Variants in TLCD3B observed in about 807,000 individuals in gnomAD.
TLCD3B encodes the protein TLC domain containing 3B.
Under a neutral mutation model 23.0 loss-of-function variants are expected in TLCD3B, and 9 were observed. The observed-to-expected ratio is 0.39, with a 90% confidence interval of 0.24 to 0.68. The LOEUF is 0.68. Among genes scored for constraint, TLCD3B ranks in the 30% least tolerant of loss-of-function variants. TLCD3B has a pLI of 0.44. For missense variants in TLCD3B, 307 were observed against 371.8 expected (o/e 0.83, Z 1.43); for synonymous variants, 161 against 161.0 (o/e 1.00, Z 0.00).
intron 3 of TLCD3B, among the ~76,000 whole-genome samples, chr16:30,038,871 GT>G (rs1179503671): frequency 2.0e-5 from 3 of 152,128 alleles, no homozygotes; most frequent in Non-Finnish European, 4.4e-5. Context: ...GCACAGAGAG[GT>G]TTGGTAACTT....
intron 2 of TLCD3B, 59 bp from the exon 3 acceptor site, chr16:30,026,902 G>A: frequency 6.9e-7 from 1 of 1,452,970 alleles, no homozygotes; most frequent in East Asian, 2.3e-5. Flanking sequence ...CAGTGATTGG[G>A]GTCAGATCTC....
At chr16:30,037,678 A>G (rs1417446583) in intron 3 of TLCD3B, among the ~76,000 whole-genome samples, 1 of 152,160 alleles carries the variant, frequency 6.6e-6, no homozygotes, top group East Asian at 1.9e-4. Flanking sequence ...TCAAGGCTGT[A>G]GTGAGCTATG....
intron 2 of TLCD3B, chr16:30,027,812 C>T (rs2071213789): frequency 2.7e-6 from 1 of 374,804 alleles, no homozygotes; most frequent in Non-Finnish European, 5.4e-6. Context: ...GAGGCAGGAC[C>T]TGGGGTGCTC....
chr16:30,036,468 C>T, intron 3 of TLCD3B: 1 of 1,204,928 alleles, frequency 8.3e-7, no homozygotes, highest in Non-Finnish European at 1.1e-6. Flanking sequence ...CAGGTCCTGC[C>T]ATCCTGCCTT....
intron 1 of TLCD3B, among the ~76,000 whole-genome samples, chr16:30,052,298 A>T (rs2071772805): frequency 6.7e-6 from 1 of 148,436 alleles, no homozygotes; most frequent in Admixed American, 6.7e-5. Flanking sequence ...AACCCAGGAG[A>T]CATAGGTTGT....
chr16:30,038,022 T>C (rs1184071941), intron 3 of TLCD3B, among the ~76,000 whole-genome samples: 3 of 152,194 alleles, frequency 2.0e-5, no homozygotes, highest in African/African-American at 7.2e-5. Context: ...CAGGGAACCT[T>C]CTGAAGTGTT....
In TLCD3B at chr16:30,024,549, C is replaced by A. The variant is rs755843733; in HGVS notation, c.*634G>T. 4.9e-6 allele frequency: 2 copies of A among 411,810 alleles called. No individual in the cohort carries two copies. The highest frequency in any genetic ancestry group is 8.7e-6 in the Non-Finnish European group (2 of 229,244). 25.5% of individuals were successfully genotyped at this position (411,810 alleles called of 1,614,324 possible). On this transcript the variant is annotated 3_prime_UTR_variant, in exon 5 of 5. Transcript: ENST00000380495. ...CCAGGGACATGGCAGGGCCCGAGGG[C>A]GCGATGTGCAGCCGATGGTGAGGGA... is the stretch of plus-strand genomic sequence containing the variant.
At position 30,050,714 on chromosome 16, in the gene TLCD3B, T is replaced by TCCCAC. The variant is rs2071736920; in HGVS notation, c.-294+2059_-294+2060insGTGGG. ...GTGGCTGAGACCACCTCAGTATGGT[T>TCCCAC]GACAGTGGGAGGGAAGATTTGGATC... On this transcript the variant is annotated intron_variant, in intron 1 of 6. Coordinates refer to the TLCD3B transcript ENST00000561666. 2.0e-5 allele frequency among the ~76,000 whole-genome samples: 3 copies of TCCCAC among 152,128 alleles called. No homozygotes were observed. The South Asian group carries it at 6.2e-4, about 31-fold the overall frequency.
Position 30,025,450 on chromosome 16 carries a change from T to G in TLCD3B, c.558A>C (p.Thr186=). The G allele has an allele frequency of 1.2e-6, 2 of 1,612,406 alleles. No individual in the cohort carries two copies. The highest frequency in any genetic ancestry group is 1.7e-6 in the Non-Finnish European group (2 of 1,179,488). The change falls in exon 5 of 5, where the codon ACA becomes ACC. Residue 186 remains threonine (T), a synonymous_variant. Coordinates refer to ENST00000380495, the MANE Select transcript of TLCD3B (RefSeq NM_031478.6). The surrounding 1 kb of genome is among the most constrained non-coding windows in gnomAD (Gnocchi z 4.1). ...GGGCCCCGTTCACCTTGTGCAGCAG[T>G]GTGTGCTGCTGCTTGTACTGAGGAG... The part of the protein sequence containing the change: ...KILIQYKQQH[T]LLHKVNGALM...
In TLCD3B at chr16:30,025,797, AGTCTCCCTTACCCT is replaced by A; in HGVS notation, c.455_468del (p.Gln152LeufsTer141). 1 of 1,614,062 alleles carries A rather than the reference AGTCTCCCTTACCCT, an allele frequency of 6.2e-7. No individual in the cohort carries two copies. The highest frequency in any genetic ancestry group is 8.5e-7 in the Non-Finnish European group (1 of 1,180,018). On this transcript the variant is annotated frameshift_variant, in exon 4 of 5. Transcript: ENST00000380495. LOFTEE classifies it high-confidence loss of function. The surrounding 1 kb of genome is among the most constrained non-coding windows in gnomAD (Gnocchi z 4.1). Reference sequence around the variant, plus strand: ...GCCATCAACATGCAACCCAGAAAGAAGTCTCCCTTACCCTGTCGCCACACCTGGGCACAGAGGCA... The same window carrying A: ...GCCATCAACATGCAACCCAGAAAGAAGTCGCCACACCTGGGCACAGAGGCA...
rs1173158345 is a variant in TLCD3B at position 30,024,860 on chromosome 16, C to T, written c.*323G>A. ...TGGGATGGCCTTGGCAGAGGCGTCT[C>T]CCCACATTCTGACTCCTGGTCCCCT... On this transcript the variant is annotated 3_prime_UTR_variant, in exon 5 of 5. Coordinates refer to ENST00000380495, the MANE Select transcript of TLCD3B (RefSeq NM_031478.6). 1 of 294,596 alleles carries T rather than the reference C, an allele frequency of 3.4e-6. No homozygotes were observed. Among genetic ancestry groups the T allele is most frequent in the African/African-American group, 2.2e-5 (1 of 45,266 alleles). The allele number at this position is 294,596 out of a possible 1,614,324, so 18.2% of individuals were successfully genotyped here. A position where few individuals can be genotyped will look rare whatever the true frequency, so the allele number is the denominator to read the frequency against.
chr16:30,029,363 G>C lies in TLCD3B; in HGVS notation c.209+69C>G. 1 of 1,384,520 alleles carries C rather than the reference G, an allele frequency of 7.2e-7. No individual in the cohort carries two copies. Among genetic ancestry groups the C allele is most frequent in the Admixed American group, 1.8e-5 (1 of 56,366 alleles). 85.8% of individuals were successfully genotyped at this position (1,384,520 alleles called of 1,614,324 possible). On this transcript the variant is annotated intron_variant, in intron 2 of 4. Transcript: ENST00000380495. The surrounding 1 kb of genome is among the most constrained non-coding windows in gnomAD (Gnocchi z 4.6). ...AGACAGAGTTCCCTCCAAGATGTGG[G>C]GTCTTCCGGGATTACCCGTACACGC...
At chr16:30,047,861 C>A (rs2071697306) in intron 1 of TLCD3B, among the ~76,000 whole-genome samples, 2 of 149,354 alleles carry the variant, frequency 1.3e-5, no homozygotes, top group Non-Finnish European at 3.0e-5. Flanking sequence ...CTGGGCTCAG[C>A]CCTGGCGTGG....
rs1312538311 is a variant in TLCD3B, at chr16:30,030,593, A to T, written c.-66T>A. ...AGGGGCAGGGAGGCCGAGTGGAAGG[A>T]GTTAGGGGTGGAGAAGGGACGCCAA... On this transcript the variant is annotated 5_prime_UTR_variant, in exon 1 of 5. Coordinates refer to ENST00000380495, the MANE Select transcript of TLCD3B (RefSeq NM_031478.6). 1 of 1,417,980 alleles carries T rather than the reference A, an allele frequency of 7.1e-7. No individual in the cohort carries two copies. Among genetic ancestry groups the T allele is most frequent in the Non-Finnish European group, 9.3e-7 (1 of 1,080,542 alleles). The allele number at this position is 1,417,980 out of a possible 1,614,324, so 87.8% of individuals were successfully genotyped here.
At position 30,044,855 on chromosome 16, in the gene TLCD3B, C is replaced by CG. The variant is rs1044348085; in HGVS notation, c.-229+1467dup. 1.1e-4 allele frequency among the ~76,000 whole-genome samples: 17 copies of CG among 151,784 alleles called. No homozygotes were observed. In the East Asian group the frequency reaches 1.2e-3, roughly 10 times the overall value. ...CAGCACTTTGGAGGCCGGCGGGCGGCGGGGGGGTGCGGATTAACTAAGGTC... is the reference window on the plus strand; with the variant it reads ...CAGCACTTTGGAGGCCGGCGGGCGGCGGGGGGGGTGCGGATTAACTAAGGTC... On this transcript the variant is annotated intron_variant, in intron 2 of 6. Coordinates refer to the TLCD3B transcript ENST00000561666.
At chr16:30,049,342 C>T (rs1187890179) in intron 1 of TLCD3B, among the ~76,000 whole-genome samples, 1 of 152,140 alleles carries the variant, frequency 6.6e-6, no homozygotes, top group Non-Finnish European at 1.5e-5. Context: ...CCATTGGAGG[C>T]AGCTGAAAGT....
Position 30,025,822 on chromosome 16 carries a change from C to T in TLCD3B, c.445-1G>A. The T allele has an allele frequency of 6.2e-7, 1 of 1,613,184 alleles. No individual in the cohort carries two copies. Among genetic ancestry groups the T allele is most frequent in the Non-Finnish European group, 8.5e-7 (1 of 1,179,408 alleles). On this transcript the variant is annotated splice_acceptor_variant, in intron 3 of 4. Transcript: ENST00000380495. LOFTEE classifies it high-confidence loss of function. This position sits in a 1 kb window ranked among gnomAD's most constrained non-coding sequence, Gnocchi z 4.1. The stretch of plus-strand genomic sequence containing the variant: ...AGTCTCCCTTACCCTGTCGCCACAC[C>T]TGGGCACAGAGGCAGGAAGGTGAGG...
chr16:30,051,299 C>G lies in TLCD3B; in HGVS notation c.-294+1475G>C, dbSNP rs113897028. On this transcript the variant is annotated intron_variant, in intron 1 of 6. Coordinates refer to the TLCD3B transcript ENST00000561666. ...CTGTAATCCCAGCACTTTGGGAGGC[C>G]AAGGCGGGCAGAACACCTAAGGTCG... Among the ~76,000 whole-genome samples, 297 of 151,998 alleles carry G rather than the reference C, an allele frequency of 2.0e-3. 1 individual carries two copies. Among genetic ancestry groups the G allele is most frequent in the Middle Eastern group, 0.01 (3 of 294 alleles).
At chr16:30,035,155 A>C (rs1596760861), upstream of TLCD3B, 1 of 456,888 alleles carries the variant, frequency 2.2e-6, no homozygotes, top group Non-Finnish European at 3.6e-6. Context: ...CAGGTGATCC[A>C]CCTGCCTCAG....
Sources: allele counts gnomAD v4.1 joint callset (sites outside exome capture counted in the v4.1 genomes callset), GRCh38; gene constraint gnomAD v4.1.1; non-coding constraint Gnocchi (gnomAD v3.1); transcripts MANE v1.5; gene names NCBI Gene and HGNC (gene_info 2026-07-23, HGNC 2026-07-21).